The following CLASP1 variants were observed in gnomAD, a reference collection of about 807,000 sequenced individuals.
CLASP1 encodes the protein CLIP-associating protein 1.
In CLASP1, 38 loss-of-function variants were observed where a neutral mutation model predicts 192.3. The observed-to-expected ratio is 0.20, with a 90% CI of 0.15 to 0.26. The LOEUF is 0.26. Ranked by LOEUF, CLASP1 falls within the 10% of genes least tolerant of loss-of-function variation. The pLI is 1.00. For missense variants in CLASP1, 1,433 were observed against 1,932.5 expected, an observed-to-expected ratio of 0.74 and a Z score of 4.85; for synonymous variants, 691 against 712.8, an observed-to-expected ratio of 0.97 and a Z score of 0.49.
At chr2:121,365,416 C>G in intron 35 of CLASP1, 132 bp from the exon 37 acceptor site, 1 of 839,984 alleles carries the variant, frequency 1.2e-6, no homozygotes, top group Non-Finnish European at 1.9e-6. Flanking sequence ...CGGTTCCCCT[C>G]CCACCCTCCG....
intron 2 of CLASP1, among the ~76,000 whole-genome samples, chr2:121,581,260 C>CTTTTTTTTTTTTGTTTT (rs2061113177): frequency 1.7e-5 from 1 of 57,680 alleles, no homozygotes; most frequent in African/African-American, 7.2e-5. Context: ...GCCTTTTGTT[C>CTTTTTTTTTTTTGTTTT]TTTTTTTTTT....
intron 3 of CLASP1, among the ~76,000 whole-genome samples, chr2:121,529,045 G>GT (rs2094668296): frequency 6.6e-6 from 1 of 152,144 alleles, no homozygotes; most frequent in Non-Finnish European, 1.5e-5. Context: ...AGTTCCCAAC[G>GT]TATTTGTAAG....
chr2:121,346,937 T>C lies in CLASP1; in HGVS notation c.4530+101A>G, dbSNP rs774982723. 2.2e-4 allele frequency: 154 copies of C among 698,902 alleles called. 2 individuals carry two copies. In the South Asian group the frequency reaches 2.9e-3, roughly 13 times the overall value. The allele number at this position is 698,902 out of a possible 1,614,324, so 43.3% of individuals were successfully genotyped here. A position where few individuals can be genotyped will look rare whatever the true frequency, so the allele number is the denominator to read the frequency against. ...GAAATAAGGCCCAGCTAAAACACAA[T>C]GAACAAAACCTGTCTGGAATCCAGA... is the stretch of plus-strand genomic sequence containing the variant. On this transcript the variant is annotated intron_variant, in intron 39 of 39. Transcript: ENST00000263710.
intron 1 of CLASP1, among the ~76,000 whole-genome samples, chr2:121,616,185 G>A (rs1414039830): frequency 6.6e-6 from 1 of 152,070 alleles, no homozygotes; most frequent in East Asian, 1.9e-4. Context: ...GGTCGCTCAC[G>A]CCTGTAATCT....
intron 23 of CLASP1, among the ~76,000 whole-genome samples, chr2:121,413,088 G>A (rs548302103): frequency 2.2e-4 from 33 of 152,006 alleles, no homozygotes; most frequent in East Asian, 5.8e-4. Flanking sequence ...GTGAAATCCC[G>A]TCTCTACAAA....
chr2:121,403,743 C>G lies in CLASP1; in HGVS notation c.2733+628G>C, dbSNP rs375037411. 2.0e-4 allele frequency: 93 copies of G among 467,170 alleles called. 2 individuals are homozygous for G. Among genetic ancestry groups the G allele is most frequent in the Middle Eastern group, 1.3e-3 (4 of 3,110 alleles). 28.9% of individuals were successfully genotyped at this position (467,170 alleles called of 1,614,324 possible). Reference sequence around the variant, plus strand: ...CACCACCCCTGGAAAGTGTTCTGTCCCATACTCATGGGCATTTCCCCCTCA... The same window carrying G: ...CACCACCCCTGGAAAGTGTTCTGTCGCATACTCATGGGCATTTCCCCCTCA... On this transcript the variant is annotated intron_variant, in intron 26 of 39. Coordinates refer to ENST00000263710, the Ensembl canonical transcript of CLASP1.
chr2:121,397,068 G>A, intron 30 of CLASP1, 72 bp downstream of exon 31: 4 of 1,531,112 alleles, frequency 2.6e-6, no homozygotes, highest in Non-Finnish European at 3.6e-6. Context: ...CGGTTTTCAA[G>A]TTTCTAAATA....
intron 8 of CLASP1, among the ~76,000 whole-genome samples, chr2:121,495,488 C>G (rs965705205): frequency 1.1e-4 from 17 of 151,286 alleles, no homozygotes; most frequent in Admixed American, 5.9e-4. Flanking sequence ...TGGTGAAACC[C>G]CGTCTCTACT....
At chr2:121,582,140 G>C (rs997002016) in intron 2 of CLASP1, among the ~76,000 whole-genome samples, 1 of 151,862 alleles carries the variant, frequency 6.6e-6, no homozygotes, top group Non-Finnish European at 1.5e-5. Context: ...TCCAGCCTGG[G>C]CGACAGATAA....
At chr2:121,349,246 AAAAAGAAAAG>A (rs571327467) in intron 37 of CLASP1, among the ~76,000 whole-genome samples, 28 of 151,848 alleles carry the variant, frequency 1.8e-4, no homozygotes, top group African/African-American at 5.1e-4. Context: ...TCTCAAAAAA[AAAAAGAAAAG>A]AAAAGAAAAG....
intron 4 of CLASP1, among the ~76,000 whole-genome samples, chr2:121,528,398 G>A (rs1289545021): frequency 6.6e-6 from 1 of 152,146 alleles, no homozygotes; most frequent in Non-Finnish European, 1.5e-5. Context: ...TTGGAGAGTC[G>A]GTTACATAAA....
intron 14 of CLASP1, among the ~76,000 whole-genome samples, chr2:121,456,687 T>G (rs1213443215): frequency 6.6e-6 from 1 of 152,096 alleles, no homozygotes; most frequent in Admixed American, 6.6e-5. Flanking sequence ...TAGAGCTGCT[T>G]CATGTTTAAG....
rs759668601 is a variant in CLASP1 at position 121,605,660 on chromosome 2, G to A, written c.195+41C>T. On this transcript the variant is annotated intron_variant, in intron 2 of 39. Coordinates refer to ENST00000263710, the Ensembl canonical transcript of CLASP1. ...GGGCCAATTTTGATCTACCAGTGCA[G>A]CCCAGCCACCTCCAAAAGTGCCTTC... 2.6e-6 allele frequency: 4 copies of A among 1,535,408 alleles called. No homozygotes were observed. The East Asian group carries it at 9.0e-5, about 35-fold the overall frequency.
intron 8 of CLASP1, among the ~76,000 whole-genome samples, chr2:121,501,598 T>A (rs959076003): frequency 6.6e-6 from 1 of 152,150 alleles, no homozygotes; most frequent in Non-Finnish European, 1.5e-5. Flanking sequence ...TTTCTTACAA[T>A]CTATGAAAAA....
chr2:121,558,172 T>C (rs1296140890), intron 2 of CLASP1, among the ~76,000 whole-genome samples: 1 of 152,010 alleles, frequency 6.6e-6, no homozygotes, highest in Non-Finnish European at 1.5e-5. Flanking sequence ...ATAAAGCATA[T>C]GTAAAACAGA....
chr2:121,376,599 C>T (rs1446781093), intron 34 of CLASP1, among the ~76,000 whole-genome samples: 1 of 152,088 alleles, frequency 6.6e-6, no homozygotes. Flanking sequence ...GGAATAAGTT[C>T]TAATGCTCTA....
At chr2:121,407,263 A>C (rs1474538772) in intron 25 of CLASP1, among the ~76,000 whole-genome samples, 1 of 152,048 alleles carries the variant, frequency 6.6e-6, no homozygotes, top group African/African-American at 2.4e-5. Flanking sequence ...CAGATATTTC[A>C]AAGCAAATGG....
At chr2:121,442,180 C>A (rs1218277367) in intron 19 of CLASP1, among the ~76,000 whole-genome samples, 1 of 152,134 alleles carries the variant, frequency 6.6e-6, no homozygotes, top group Admixed American at 6.5e-5. Flanking sequence ...AGAATGCATT[C>A]ATTTACCATA....
At chr2:121,369,992 T>C (rs1357484007) in intron 34 of CLASP1, among the ~76,000 whole-genome samples, 1 of 152,230 alleles carries the variant, frequency 6.6e-6, no homozygotes, top group Non-Finnish European at 1.5e-5. Context: ...ATGCTCTTTC[T>C]AGTATTAAAT....
Sources: allele counts gnomAD v4.1 joint callset (sites outside exome capture counted in the v4.1 genomes callset), GRCh38; gene constraint gnomAD v4.1.1; transcripts MANE v1.5; gene names NCBI Gene and HGNC (gene_info 2026-07-23, HGNC 2026-07-21).